SLC5A8: variants seen among roughly 807,000 people sequenced by gnomAD.
The protein encoded by SLC5A8 is solute carrier family 5 member 8, also known as sodium-coupled monocarboxylate transporter 1.
SLC5A8 carries 55 observed loss-of-function variants against 71.9 expected under a neutral mutation model. The ratio of observed to expected loss-of-function variants is 0.77; its 90% CI spans 0.62 to 0.96. The LOEUF (loss-of-function observed/expected upper bound fraction) is 0.96, where lower values mean the gene tolerates loss of function less well. SLC5A8 is among the 40% of genes least tolerant of loss of function. The pLI is 0.00. For missense variants in SLC5A8, 701 were observed against 745.3 expected, an observed-to-expected ratio of 0.94 and a Z score of 0.69; for synonymous variants, 307 against 276.1, an observed-to-expected ratio of 1.11 and a Z score of -1.11.
Position 101,209,954 on chromosome 12 carries a change from C to G in SLC5A8, c.-106G>C. On this transcript the variant is annotated 5_prime_UTR_variant, in exon 1 of 15. Transcript: ENST00000536262. The stretch of plus-strand genomic sequence containing the variant: ...CCGGATCCCTGGCGCGCAGGCGTGG[C>G]GTCCCGCGGGGACTGGAGGCGTCCT... The G allele has an allele frequency of 1.8e-6, 2 of 1,100,678 alleles. No individual in the cohort carries two copies. Among genetic ancestry groups the G allele is most frequent in the African/African-American group, 1.6e-5 (1 of 61,126 alleles). The allele number at this position is 1,100,678 out of a possible 1,614,324, so 68.2% of individuals were successfully genotyped here.
intron 3 of SLC5A8, among the ~76,000 whole-genome samples, chr12:101,197,470 TAAC>T (rs1869235846): frequency 6.6e-6 from 1 of 152,188 alleles, no homozygotes; most frequent in Admixed American, 6.5e-5. Flanking sequence ...AGTCTAGATC[TAAC>T]TACTACTAGT....
chr12:101,161,038 C>T (rs1455522953), intron 13 of SLC5A8, among the ~76,000 whole-genome samples: 1 of 152,162 alleles, frequency 6.6e-6, no homozygotes, highest in Non-Finnish European at 1.5e-5. Flanking sequence ...GGGACACACA[C>T]AAAGTGTCAG....
chr12:101,195,789 T>G (rs1256328570), intron 3 of SLC5A8, among the ~76,000 whole-genome samples: 1 of 148,098 alleles, frequency 6.8e-6, no homozygotes, highest in Non-Finnish European at 1.5e-5. Context: ...CTCCACCTCC[T>G]GGGTTCAAGC....
Position 101,210,202 on chromosome 12 carries a change from G to T in SLC5A8, c.-354C>A, listed in dbSNP as rs1289077209. 1 of 241,996 alleles carries T rather than the reference G, an allele frequency of 4.1e-6. No individual in the cohort carries two copies. The highest frequency in any genetic ancestry group is 7.8e-6 in the Non-Finnish European group (1 of 128,224). 15.0% of individuals were successfully genotyped at this position (241,996 alleles called of 1,614,324 possible). A position where few individuals can be genotyped will look rare whatever the true frequency, so the allele number is the denominator to read the frequency against. On this transcript the variant is annotated 5_prime_UTR_variant, in exon 1 of 15. Coordinates refer to ENST00000536262, the MANE Select transcript of SLC5A8 (RefSeq NM_145913.5). Reference sequence around the variant, plus strand: ...ACTGGAGCCTCCAGCTGCTTCCAGCGAATCTACACAGGGAGCGCTCTGGGC... The same window carrying T: ...ACTGGAGCCTCCAGCTGCTTCCAGCTAATCTACACAGGGAGCGCTCTGGGC...
chr12:101,178,020 GC>G (rs2051897169), intron 10 of SLC5A8, among the ~76,000 whole-genome samples: 1 of 152,002 alleles, frequency 6.6e-6, no homozygotes, highest in African/African-American at 2.4e-5. Flanking sequence ...AAACAAAGAA[GC>G]AAAAAATTAT....
At chr12:101,175,838 G>A (rs141292946) in intron 10 of SLC5A8, among the ~76,000 whole-genome samples, 45 of 151,984 alleles carry the variant, frequency 3.0e-4, no homozygotes, top group African/African-American at 1.0e-3. Context: ...GACATTCTCA[G>A]GTGAAGGAAC....
At chr12:101,172,980 G>GT (rs1195231514) in intron 10 of SLC5A8, among the ~76,000 whole-genome samples, 1 of 152,146 alleles carries the variant, frequency 6.6e-6, no homozygotes, top group African/African-American at 2.4e-5. Flanking sequence ...AAGCGCCACA[G>GT]TGGCTCCCCT....
chr12:101,176,484 C>G (rs2051881224), intron 10 of SLC5A8, among the ~76,000 whole-genome samples: 1 of 151,966 alleles, frequency 6.6e-6, no homozygotes, highest in South Asian at 2.1e-4. Context: ...AAAAAGAATA[C>G]ACATTCTTTT....
At position 101,161,188 on chromosome 12, in the gene SLC5A8, A is replaced by ATT. The variant is rs77560696; in HGVS notation, c.1630+784_1630+785dup. ...AATCAAGCATAAGATAGATTAAATA[A>ATT]TTTTTTTTCAGACACACAAAGTTTC... On this transcript the variant is annotated intron_variant, in intron 13 of 14. Coordinates refer to ENST00000536262, the MANE Select transcript of SLC5A8 (RefSeq NM_145913.5). Among the ~76,000 whole-genome samples, 5 of 152,078 alleles carry ATT rather than the reference A, an allele frequency of 3.3e-5. No individual in the cohort carries two copies. The East Asian group carries it at 7.7e-4, about 24-fold the overall frequency.
chr12:101,172,081 C>A (rs2051835070), intron 10 of SLC5A8, among the ~76,000 whole-genome samples: 1 of 152,044 alleles, frequency 6.6e-6, no homozygotes, highest in African/African-American at 2.4e-5. Flanking sequence ...TGTCAAAGAT[C>A]CAAAATCGTG....
At chr12:101,161,690 G>A (rs1459436786) in intron 13 of SLC5A8, among the ~76,000 whole-genome samples, 3 of 152,122 alleles carry the variant, frequency 2.0e-5, no homozygotes, top group Admixed American at 6.5e-5. Context: ...TGGGCAGGTC[G>A]ATTATTATTG....
In SLC5A8 at chr12:101,209,665, T is replaced by C; in HGVS notation, c.184A>G (p.Thr62Ala). Residue 62 changes from threonine to alanine, a missense_variant, in exon 1 of 15, where the codon ACC becomes GCC. Physicochemically the swap from Thr to Ala is moderately conservative, Grantham distance 58. Coordinates refer to ENST00000536262, the MANE Select transcript of SLC5A8 (RefSeq NM_145913.5). ...MTAVPVALSL[T>A]ASFMSAVTVL... ...GTGACGGCTGACATGAAGCTAGCGGTGAGGGACAGCGCCACGGGCACTGCG... is the reference window on the plus strand; with the variant it reads ...GTGACGGCTGACATGAAGCTAGCGGCGAGGGACAGCGCCACGGGCACTGCG... 1.2e-6 allele frequency: 2 copies of C among 1,613,736 alleles called. No individual in the cohort carries two copies. Among genetic ancestry groups the C allele is most frequent in the Non-Finnish European group, 1.7e-6 (2 of 1,180,012 alleles).
At chr12:101,169,174 C>G (rs138199130) in intron 10 of SLC5A8, among the ~76,000 whole-genome samples, 2 of 152,192 alleles carry the variant, frequency 1.3e-5, no homozygotes, top group African/African-American at 4.8e-5. Flanking sequence ...ATATGACCCA[C>G]AAAGCAAGTG....
At chr12:101,195,065 A>G in intron 4 of SLC5A8, 30 bp downstream of exon 4, 3 of 1,611,240 alleles carry the variant, frequency 1.9e-6, no homozygotes, top group Non-Finnish European at 2.5e-6. Context: ...AAGTGGGTAG[A>G]GTGAAAAGGG....
At chr12:101,171,866 C>T (rs993531748) in intron 10 of SLC5A8, among the ~76,000 whole-genome samples, 1 of 152,064 alleles carries the variant, frequency 6.6e-6, no homozygotes, top group Non-Finnish European at 1.5e-5. Context: ...AGTCAGGCCA[C>T]CCGGAGTAGC....
chr12:101,187,808 A>G (rs1868724770), intron 6 of SLC5A8, among the ~76,000 whole-genome samples: 2 of 152,192 alleles, frequency 1.3e-5, no homozygotes, highest in African/African-American at 4.8e-5. Context: ...GTACCTAGTT[A>G]TACTACTTCA....
intron 3 of SLC5A8, among the ~76,000 whole-genome samples, chr12:101,201,010 C>T (rs552356954): frequency 1.3e-5 from 2 of 152,292 alleles, no homozygotes; most frequent in African/African-American, 4.8e-5. Context: ...ATCAAAACAC[C>T]TTCACTTTCA....
In SLC5A8 at chr12:101,171,359, C is replaced by T. The variant is rs74923822; in HGVS notation, c.1234-3177G>A. ...CTGAGTTGCTTGAGTGGCCTTATGCCTATCATTAATCTTATAGCCATAATA... is the reference window on the plus strand; with the variant it reads ...CTGAGTTGCTTGAGTGGCCTTATGCTTATCATTAATCTTATAGCCATAATA... On this transcript the variant is annotated intron_variant, in intron 10 of 14. Coordinates refer to ENST00000536262, the MANE Select transcript of SLC5A8 (RefSeq NM_145913.5). Among the ~76,000 whole-genome samples, 934 of 152,236 alleles carry T rather than the reference C, an allele frequency of 6.1e-3. 9 individuals carry two copies. Among genetic ancestry groups the T allele is most frequent in the African/African-American group, 0.018 (733 of 41,536 alleles).
At chr12:101,193,566 G>C in intron 5 of SLC5A8, 59 bp downstream of exon 5, 1 of 1,513,136 alleles carries the variant, frequency 6.6e-7, no homozygotes, top group Non-Finnish European at 8.9e-7. Context: ...TTTCAATAAA[G>C]AGATTATTTT....
Sources: allele counts gnomAD v4.1 joint callset (sites outside exome capture counted in the v4.1 genomes callset), GRCh38; gene constraint gnomAD v4.1.1; transcripts MANE v1.5; gene names NCBI Gene and HGNC (gene_info 2026-07-23, HGNC 2026-07-21).